The following CNTNAP2 variants were observed in gnomAD, a reference collection of about 807,000 sequenced individuals.
CNTNAP2 encodes the protein contactin-associated protein-like 2.
Under a neutral mutation model 155.2 loss-of-function variants are expected in CNTNAP2, and 98 were observed. That is an observed-to-expected ratio of 0.63 (90% CI 0.54 to 0.75). CNTNAP2 has a LOEUF of 0.75. Ranked by LOEUF, CNTNAP2 falls within the 30% of genes least tolerant of loss-of-function variation. The pLI is 0.00. For missense variants in CNTNAP2, 1,727 were observed against 1,688.1 expected, an observed-to-expected ratio of 1.02 and a Z score of -0.40; for synonymous variants, 651 against 631.2, an observed-to-expected ratio of 1.03 and a Z score of -0.47.
At chr7:148,399,343 C>T (rs575843007) in intron 22 of CNTNAP2, among the ~76,000 whole-genome samples, 5 of 145,358 alleles carry the variant, frequency 3.4e-5, no homozygotes, top group South Asian at 2.1e-4. Context: ...CGCAGTGGCA[C>T]GTGCCTATAG....
At chr7:146,937,092 A>G (rs2129224589) in intron 3 of CNTNAP2, among the ~76,000 whole-genome samples, 2 of 152,158 alleles carry the variant, frequency 1.3e-5, no homozygotes, top group South Asian at 4.1e-4. Flanking sequence ...CGAGGGATTT[A>G]GAAAGTGAAA....
chr7:147,359,745 A>G (rs1019058922), intron 9 of CNTNAP2, among the ~76,000 whole-genome samples: 30 of 152,052 alleles, frequency 2.0e-4, no homozygotes, highest in African/African-American at 6.8e-4. Context: ...CTCTTCTTCA[A>G]AATATTGCCC....
At chr7:146,444,455 C>T (rs1053338677) in intron 1 of CNTNAP2, among the ~76,000 whole-genome samples, 5 of 152,070 alleles carry the variant, frequency 3.3e-5, no homozygotes, top group African/African-American at 1.2e-4. Context: ...GCCTGAAGGA[C>T]CCAGGATTCT....
intron 3 of CNTNAP2, among the ~76,000 whole-genome samples, chr7:146,970,356 A>G (rs1207924926): frequency 1.3e-5 from 2 of 152,062 alleles, no homozygotes; most frequent in African/African-American, 2.4e-5. Flanking sequence ...ACTCAAACAA[A>G]TTTACAAGAA....
intron 8 of CNTNAP2, among the ~76,000 whole-genome samples, chr7:147,185,736 C>G (rs1046105729): frequency 6.6e-6 from 1 of 152,098 alleles, no homozygotes; most frequent in Non-Finnish European, 1.5e-5. Context: ...AGGTGTGTCC[C>G]CACCCAAATC....
At chr7:148,412,834 A>G (rs1381582708) in intron 23 of CNTNAP2, among the ~76,000 whole-genome samples, 6 of 152,192 alleles carry the variant, frequency 3.9e-5, no homozygotes, top group Non-Finnish European at 8.8e-5. Context: ...TTTCCAACAG[A>G]TGTCCTTTAT....
intron 13 of CNTNAP2, among the ~76,000 whole-genome samples, chr7:147,697,160 G>A (rs948628104): frequency 3.3e-5 from 5 of 152,218 alleles, no homozygotes; most frequent in African/African-American, 4.8e-5. Context: ...CTAATTAAAT[G>A]TCAGTCACCA....
intron 1 of CNTNAP2, among the ~76,000 whole-genome samples, chr7:146,707,633 G>T (rs956691569): frequency 3.3e-5 from 5 of 152,064 alleles, no homozygotes; most frequent in African/African-American, 1.2e-4. Flanking sequence ...GAAGGGCCTT[G>T]CTCTTTAAAT....
chr7:148,052,358 T>A, intron 15 of CNTNAP2, among the ~76,000 whole-genome samples: 1 of 100,840 alleles, frequency 9.9e-6, no homozygotes, highest in Non-Finnish European at 2.1e-5. Flanking sequence ...AACAACCAGG[T>A]GATGGAAAAA....
At chr7:147,737,824 C>T (rs577332373) in intron 13 of CNTNAP2, among the ~76,000 whole-genome samples, 27 of 152,288 alleles carry the variant, frequency 1.8e-4, no homozygotes, top group Middle Eastern at 6.8e-3. Context: ...GAGCCAGGTG[C>T]GGGATGTAAT....
At chr7:146,623,282 T>A (rs1799363978) in intron 1 of CNTNAP2, among the ~76,000 whole-genome samples, 1 of 152,208 alleles carries the variant, frequency 6.6e-6, no homozygotes, top group African/African-American at 2.4e-5. Flanking sequence ...ACTTCCTGCA[T>A]ACGTTTTAAA....
At chr7:147,554,751 A>T in intron 11 of CNTNAP2, among the ~76,000 whole-genome samples, 1 of 152,078 alleles carries the variant, frequency 6.6e-6, no homozygotes. Flanking sequence ...TTAAATCCAC[A>T]TTCTCTCTAC....
At chr7:148,119,693 T>C (rs899611101) in intron 16 of CNTNAP2, among the ~76,000 whole-genome samples, 3 of 152,344 alleles carry the variant, frequency 2.0e-5, no homozygotes, top group African/African-American at 2.4e-5. Flanking sequence ...CACCGTCAGG[T>C]AAATTGCTCA....
intron 8 of CNTNAP2, among the ~76,000 whole-genome samples, chr7:147,172,219 A>G (rs1213712286): frequency 6.6e-6 from 1 of 152,114 alleles, no homozygotes; most frequent in Non-Finnish European, 1.5e-5. Context: ...ACAAAGGTTT[A>G]TTTCTTTTCC....
chr7:146,117,388 G>A (rs1251181980), intron 1 of CNTNAP2: 1 of 164,546 alleles, frequency 6.1e-6, no homozygotes, highest in Admixed American at 6.0e-5. Context: ...TGAGCACGGG[G>A]TTGAGGTTAA....
chr7:146,540,433 G>A (rs1442699955), intron 1 of CNTNAP2, among the ~76,000 whole-genome samples: 1 of 151,938 alleles, frequency 6.6e-6, no homozygotes, highest in Non-Finnish European at 1.5e-5. Context: ...GCTGAAACTG[G>A]AATTACATTA....
At chr7:148,133,918 G>C (rs1804884655) in intron 16 of CNTNAP2, 1 of 152,204 alleles carries the variant, frequency 6.6e-6, no homozygotes, top group African/African-American at 2.4e-5. Context: ...AGGCAAAAAT[G>C]AGATAAGGGC....
At chr7:146,689,340 T>C (rs1800657925) in intron 1 of CNTNAP2, among the ~76,000 whole-genome samples, 1 of 152,122 alleles carries the variant, frequency 6.6e-6, no homozygotes, top group African/African-American at 2.4e-5. Flanking sequence ...TTATCACATT[T>C]GTATTGTTAT....
At chr7:147,263,873 T>C (rs1218453914) in intron 8 of CNTNAP2, among the ~76,000 whole-genome samples, 1 of 152,184 alleles carries the variant, frequency 6.6e-6, no homozygotes, top group Non-Finnish European at 1.5e-5. Context: ...TTTGAATGAA[T>C]TGAAGAGTAA....
Sources: gnomAD v4.1 joint callset for allele counts (sites outside exome capture counted in the v4.1 genomes callset) on GRCh38, gnomAD v4.1.1 for gene constraint, MANE v1.5 for transcripts, NCBI Gene and HGNC (gene_info 2026-07-23, HGNC 2026-07-21) for gene names.